Variants in ANKRD6 observed in about 807,000 individuals in gnomAD.
ANKRD6 encodes the protein ankyrin repeat domain-containing protein 6.
In ANKRD6, 56 loss-of-function variants were observed where a neutral mutation model predicts 82.3. The observed-to-expected ratio is 0.68, with a 90% CI of 0.55 to 0.85. The LOEUF is 0.85. Ranked by LOEUF, ANKRD6 falls within the 40% of genes least tolerant of loss-of-function variation. The probability of loss-of-function intolerance (pLI) is 0.00; values close to 1 mark genes in which losing one functional copy is unlikely to be tolerated. For synonymous variants in ANKRD6, 347 were observed against 352.1 expected (o/e 0.99, Z 0.16); for missense variants, 852 against 907.6 (o/e 0.94, Z 0.79).
At chr6:89,546,690 T>G (rs868805342) in intron 1 of ANKRD6, among the ~76,000 whole-genome samples, 1 of 152,188 alleles carries the variant, frequency 6.6e-6, no homozygotes, top group Non-Finnish European at 1.5e-5. Flanking sequence ...CTCAAACTCC[T>G]GACCTCAAGT....
In ANKRD6 at chr6:89,596,591, T is replaced by G. The variant is rs140201590; in HGVS notation, c.219+577T>G. Among the ~76,000 whole-genome samples the G allele has an allele frequency of 1.8e-4, 28 of 152,234 alleles. No homozygotes were observed. The East Asian group carries it at 4.8e-3, about 26-fold the overall frequency. ...GTTTACTCTGCCACCATGCTATTAT[T>G]GAGACATGGCCATCAACCAACTCAG... On this transcript the variant is annotated intron_variant, in intron 3 of 15. Transcript: ENST00000339746.
At chr6:89,474,807 C>G (rs1775862340) in intron 1 of ANKRD6, among the ~76,000 whole-genome samples, 2 of 152,182 alleles carry the variant, frequency 1.3e-5, no homozygotes. Context: ...GAAAGTGAAA[C>G]CAACCATGAG....
intron 9 of ANKRD6, chr6:89,618,365 G>T: frequency 1.7e-6 from 1 of 599,570 alleles, no homozygotes; most frequent in Non-Finnish European, 3.0e-6. Flanking sequence ...GCAGAGTTTA[G>T]GCCAAATGCC....
chr6:89,599,309 G>A (rs1246644371), intron 3 of ANKRD6, among the ~76,000 whole-genome samples: 1 of 152,186 alleles, frequency 6.6e-6, no homozygotes, highest in East Asian at 1.9e-4. Flanking sequence ...GGAGGTGGAG[G>A]TTGCAGTGAG....
intron 1 of ANKRD6, among the ~76,000 whole-genome samples, chr6:89,456,779 T>A (rs541221479): frequency 6.6e-6 from 1 of 152,346 alleles, no homozygotes; most frequent in African/African-American, 2.4e-5. Flanking sequence ...GGATCATCCA[T>A]GAAGGACAGC....
intron 1 of ANKRD6, among the ~76,000 whole-genome samples, chr6:89,540,335 G>A (rs1216842059): frequency 6.6e-6 from 1 of 151,948 alleles, no homozygotes. Flanking sequence ...TTTTAACTGG[G>A]GTGAGATGAT....
intron 1 of ANKRD6, among the ~76,000 whole-genome samples, chr6:89,477,770 CAAAAAA>C (rs772097321): frequency 9.6e-5 from 5 of 51,914 alleles, no homozygotes; most frequent in Non-Finnish European, 1.6e-4. Flanking sequence ...GACTCCGTCT[CAAAAAA>C]AAAAAAAAAA....
At chr6:89,608,948 C>T (rs1799500925) in intron 5 of ANKRD6, among the ~76,000 whole-genome samples, 1 of 152,204 alleles carries the variant, frequency 6.6e-6, no homozygotes. Context: ...CTCTGGAGTT[C>T]CTCCTGGCTC....
At position 89,630,639 on chromosome 6, in the gene ANKRD6, G is replaced by C; in HGVS notation, c.1819G>C (p.Asp607His). 6.2e-7 allele frequency: 1 copy of C among 1,612,910 alleles called. No individual in the cohort carries two copies. Among genetic ancestry groups the C allele is most frequent in the African/African-American group, 1.3e-5 (1 of 75,058 alleles). ...ACCCATGAATGAGGCAGCCAGATCTGATCAGCAGGCTGGGCCCTGCGTCAA... is the reference window on the plus strand; with the variant it reads ...ACCCATGAATGAGGCAGCCAGATCTCATCAGCAGGCTGGGCCCTGCGTCAA... ...LLPMNEAARS[D>H]QQAGPCVNRG... is the part of the protein sequence containing the mutation. Residue 607 changes from aspartate (D) to histidine (H), a missense_variant, in exon 16 of 16, where the codon GAT becomes CAT. Asp to His is a moderately conservative substitution (Grantham distance 81). Coordinates refer to ENST00000339746, the MANE Select transcript of ANKRD6 (RefSeq NM_001242809.2).
chr6:89,440,985 A>G (rs1006558924), intron 1 of ANKRD6, among the ~76,000 whole-genome samples: 1 of 152,122 alleles, frequency 6.6e-6, no homozygotes, highest in Non-Finnish European at 1.5e-5. Context: ...ATATTTTACT[A>G]TCTGTTTTTT....
At chr6:89,545,895 C>G (rs905916075) in intron 1 of ANKRD6, among the ~76,000 whole-genome samples, 1 of 152,318 alleles carries the variant, frequency 6.6e-6, no homozygotes, top group Non-Finnish European at 1.5e-5. Context: ...AGCTCTTCCT[C>G]TCGGGTTCAC....
chr6:89,484,504 GGA>G (rs1236660775), intron 1 of ANKRD6, among the ~76,000 whole-genome samples: 8 of 152,102 alleles, frequency 5.3e-5, no homozygotes, highest in African/African-American at 1.7e-4. Flanking sequence ...TTCCCACATA[GGA>G]CTCACTTCCT....
intron 1 of ANKRD6, among the ~76,000 whole-genome samples, chr6:89,564,980 C>G (rs1788160045): frequency 6.6e-6 from 1 of 152,042 alleles, no homozygotes. Context: ...AGCAGAAGCT[C>G]AGTATAATTG....
rs76172218 is a variant in ANKRD6 at position 89,533,490 on chromosome 6, C to T, written c.-143-33344C>T. Among the ~76,000 whole-genome samples the T allele has an allele frequency of 2.0e-5, 3 of 152,258 alleles. No homozygotes were observed. In the East Asian group the frequency reaches 5.8e-4, roughly 29 times the overall value. On this transcript the variant is annotated intron_variant, in intron 1 of 15. Transcript: ENST00000339746. The stretch of plus-strand genomic sequence containing the variant: ...CACCATAGGAGCCATTTCCATCTCT[C>T]AGGAGTCTGGTATTTGACCTGGTAC...
At chr6:89,473,235 A>T (rs1775676726) in intron 1 of ANKRD6, among the ~76,000 whole-genome samples, 1 of 151,914 alleles carries the variant, frequency 6.6e-6, no homozygotes, top group Non-Finnish European at 1.5e-5. Flanking sequence ...ACATGGTGAG[A>T]CCCTGTCTCT....
intron 1 of ANKRD6, among the ~76,000 whole-genome samples, chr6:89,470,741 A>C (rs1393655507): frequency 1.3e-5 from 2 of 152,068 alleles, no homozygotes; most frequent in Non-Finnish European, 2.9e-5. Context: ...CATCTTTTAT[A>C]GCTATCTTTA....
At chr6:89,504,392 C>G (rs1054264180) in intron 1 of ANKRD6, among the ~76,000 whole-genome samples, 1 of 150,722 alleles carries the variant, frequency 6.6e-6, no homozygotes, top group East Asian at 1.9e-4. Flanking sequence ...GACAGTCTCT[C>G]TCTCGCTCTC....
chr6:89,447,327 CT>C (rs1250804383), intron 1 of ANKRD6, among the ~76,000 whole-genome samples: 1 of 152,120 alleles, frequency 6.6e-6, no homozygotes, highest in Admixed American at 6.6e-5. Context: ...ATTGTTATTG[CT>C]GATATGGAGA....
intron 2 of ANKRD6, among the ~76,000 whole-genome samples, chr6:89,582,967 G>A (rs1792904113): frequency 6.6e-6 from 1 of 152,214 alleles, no homozygotes; most frequent in Non-Finnish European, 1.5e-5. Context: ...ACCTGAGTCA[G>A]CTGTCCTTGG....
Sources: gnomAD v4.1 joint callset for allele counts (sites outside exome capture counted in the v4.1 genomes callset) on GRCh38, gnomAD v4.1.1 for gene constraint, MANE v1.5 for transcripts, NCBI Gene and HGNC (gene_info 2026-07-23, HGNC 2026-07-21) for gene names.